The following GPR160 variants were observed in gnomAD, a reference collection of about 807,000 sequenced individuals.
GPR160 encodes the protein G protein-coupled receptor 160.
A neutral mutation model predicts 2.6 loss-of-function variants in GPR160; 2 were observed. The ratio of observed to expected loss-of-function variants is 0.77; its 90% CI spans 0.32 to 2.44. The LOEUF (loss-of-function observed/expected upper bound fraction) is 2.44, where lower values mean the gene tolerates loss of function less well. Ranked by LOEUF, GPR160 falls within the 30% of genes most tolerant of loss-of-function variation. GPR160 has a pLI of 0.11. For missense variants in GPR160, 351 were observed against 383.6 expected (o/e 0.91, Z 0.71); for synonymous variants, 130 against 132.2 (o/e 0.98, Z 0.12).
At position 170,052,857 on chromosome 3, in the gene GPR160, T is replaced by A. The variant is rs6784109; in HGVS notation, c.-193+13814T>A. Reference sequence around the variant, plus strand: ...TGTAGAGTCTTACCTTTTATAGCTATGCTTGTGATCTCTCCTGAGTTAATT... The same window carrying A: ...TGTAGAGTCTTACCTTTTATAGCTAAGCTTGTGATCTCTCCTGAGTTAATT... On this transcript the variant is annotated intron_variant, in intron 2 of 3. Coordinates refer to ENST00000355897, the MANE Select transcript of GPR160 (RefSeq NM_014373.3). 2.0e-5 allele frequency among the ~76,000 whole-genome samples: 3 copies of A among 152,098 alleles called. No individual in the cohort carries two copies. The South Asian group carries it at 6.2e-4, about 32-fold the overall frequency.
intron 2 of GPR160, among the ~76,000 whole-genome samples, chr3:170,055,057 G>A (rs115375116): frequency 0.028 from 4,310 of 152,314 alleles, 84 homozygotes; most frequent in Non-Finnish European, 0.048. Flanking sequence ...GCCTCCCAAA[G>A]TATTGGGATT....
chr3:170,048,273 T>C (rs1022647067), intron 2 of GPR160, among the ~76,000 whole-genome samples: 2 of 152,076 alleles, frequency 1.3e-5, no homozygotes, highest in Non-Finnish European at 2.9e-5. Flanking sequence ...AAGGGCAGGA[T>C]GGGAAGGGGA....
At chr3:170,082,391 C>T (rs1025538455) in intron 3 of GPR160, among the ~76,000 whole-genome samples, 1 of 152,100 alleles carries the variant, frequency 6.6e-6, no homozygotes, top group African/African-American at 2.4e-5. Context: ...GGCTGCATAT[C>T]ATAAAGATGA....
intron 2 of GPR160, among the ~76,000 whole-genome samples, chr3:170,051,992 C>G (rs1410583589): frequency 6.6e-6 from 1 of 152,176 alleles, no homozygotes; most frequent in East Asian, 1.9e-4. Context: ...GTGGCGCATT[C>G]TCGGCTCACT....
intron 2 of GPR160, among the ~76,000 whole-genome samples, chr3:170,056,702 A>G (rs1474252371): frequency 6.6e-6 from 1 of 152,206 alleles, no homozygotes. Flanking sequence ...ACCTGCATTA[A>G]TGGGGTACCG....
At chr3:170,044,889 G>GGA (rs1245950324) in intron 2 of GPR160, among the ~76,000 whole-genome samples, 1 of 152,158 alleles carries the variant, frequency 6.6e-6, no homozygotes, top group Non-Finnish European at 1.5e-5. Context: ...GAGGAGCTGA[G>GGA]GCACCCGCAT....
At chr3:170,051,202 A>G (rs1716942532) in intron 2 of GPR160, among the ~76,000 whole-genome samples, 1 of 152,100 alleles carries the variant, frequency 6.6e-6, no homozygotes. Context: ...GCATTTCCCT[A>G]ATGACTAATG....
Position 170,085,251 on chromosome 3 carries a change from T to C in GPR160, c.*262T>C, listed in dbSNP as rs1368793636. On this transcript the variant is annotated 3_prime_UTR_variant, in exon 4 of 4. Transcript: ENST00000355897. ...ACTTTGTTATTAACACAAAAAGTGA[T>C]AAGAGTTAACATTTGGCTATACTGA... is the stretch of plus-strand genomic sequence containing the variant. 4.1e-6 allele frequency: 1 copy of C among 241,964 alleles called. No homozygotes were observed. The highest frequency in any genetic ancestry group is 2.3e-5 in the African/African-American group (1 of 44,378). 15.0% of individuals were successfully genotyped at this position (241,964 alleles called of 1,614,324 possible).
chr3:170,042,151 C>T (rs1242464024), intron 2 of GPR160, among the ~76,000 whole-genome samples: 1 of 152,098 alleles, frequency 6.6e-6, no homozygotes, highest in Admixed American at 6.6e-5. Flanking sequence ...TGAGGCGAAG[C>T]AGTGGTGATA....
At chr3:170,054,123 G>A (rs1413031081) in intron 2 of GPR160, among the ~76,000 whole-genome samples, 1 of 151,474 alleles carries the variant, frequency 6.6e-6, no homozygotes, top group African/African-American at 2.4e-5. Context: ...GTATGTGTGT[G>A]TAGAGTTATT....
chr3:170,073,807 A>G (rs544542873), intron 2 of GPR160, among the ~76,000 whole-genome samples: 84 of 151,690 alleles, frequency 5.5e-4, no homozygotes, highest in South Asian at 3.5e-3. Context: ...GATAGAATCC[A>G]TCAATGAAGA....
chr3:170,065,191 T>C lies in GPR160; in HGVS notation c.-192-14583T>C, dbSNP rs532675193. Among the ~76,000 whole-genome samples the C allele has an allele frequency of 3.9e-5, 6 of 152,386 alleles. No individual in the cohort carries two copies. In the East Asian group the frequency reaches 1.2e-3, roughly 29 times the overall value. ...TTTTATTTTAAAATAAAATAGCTAA[T>C]GAGTATCGTACATTACAATTACATT... is the stretch of plus-strand genomic sequence containing the variant. On this transcript the variant is annotated intron_variant, in intron 2 of 3. Transcript: ENST00000355897.
At chr3:170,045,443 A>AAAAAAAAC (rs1559981277) in intron 2 of GPR160, among the ~76,000 whole-genome samples, 6 of 131,472 alleles carry the variant, frequency 4.6e-5, no homozygotes, top group African/African-American at 2.1e-4. Context: ...AAAAAAAAAA[A>AAAAAAAAC]AAAACCAATT....
At chr3:170,044,265 G>A (rs554187578) in intron 2 of GPR160, among the ~76,000 whole-genome samples, 32 of 138,970 alleles carry the variant, frequency 2.3e-4, no homozygotes, top group Non-Finnish European at 4.1e-4. Context: ...CGGAGGTTGC[G>A]GTGAGCCGAG....
At chr3:170,078,248 A>G (rs2108346818) in intron 2 of GPR160, among the ~76,000 whole-genome samples, 1 of 152,232 alleles carries the variant, frequency 6.6e-6, no homozygotes, top group Middle Eastern at 3.4e-3. Context: ...CATCTTTAAC[A>G]TTATGGGCCT....
chr3:170,065,457 A>G (rs1433574160), intron 2 of GPR160, among the ~76,000 whole-genome samples: 32 of 152,210 alleles, frequency 2.1e-4, no homozygotes, highest in Admixed American at 2.1e-3. Context: ...GAATCCTCGA[A>G]TTGTACTCTA....
chr3:170,085,038 C>A lies in GPR160; in HGVS notation c.*49C>A. The A allele has an allele frequency of 2.9e-6, 3 of 1,025,858 alleles. No homozygotes were observed. The highest frequency in any genetic ancestry group is 4.2e-6 in the Non-Finnish European group (3 of 719,750). The allele number at this position is 1,025,858 out of a possible 1,614,324, so 63.5% of individuals were successfully genotyped here. On this transcript the variant is annotated 3_prime_UTR_variant, in exon 4 of 4. Transcript: ENST00000355897. ...TGTCATAAGATCATAATTTTATGAA[C>A]AGAAAGAACTCAGGACATATTAAAA...
chr3:170,064,701 G>A (rs1281628650), intron 2 of GPR160, among the ~76,000 whole-genome samples: 1 of 151,776 alleles, frequency 6.6e-6, no homozygotes, highest in Non-Finnish European at 1.5e-5. Flanking sequence ...TGTATTTTTA[G>A]TAGAGACGGG....
chr3:170,049,374 G>A (rs576931717), intron 2 of GPR160, among the ~76,000 whole-genome samples: 1 of 152,178 alleles, frequency 6.6e-6, no homozygotes, highest in South Asian at 2.1e-4. Flanking sequence ...TTCTTTTGGG[G>A]ACTGGGGAGG....
Sources: gnomAD v4.1 joint callset for allele counts (sites outside exome capture counted in the v4.1 genomes callset) on GRCh38, gnomAD v4.1.1 for gene constraint, MANE v1.5 for transcripts, NCBI Gene and HGNC (gene_info 2026-07-23, HGNC 2026-07-21) for gene names.